The following PAXBP1 variants were observed in gnomAD, a reference collection of about 807,000 sequenced individuals.
PAXBP1 encodes the protein PAX3 and PAX7 binding protein 1, also known as PAX3- and PAX7-binding protein 1.
A neutral mutation model predicts 119.9 loss-of-function variants in PAXBP1; 44 were observed. The observed-to-expected ratio is 0.37, with a 90% CI of 0.29 to 0.47. The LOEUF is 0.47. Among genes scored for constraint, PAXBP1 ranks in the 20% least tolerant of loss-of-function variants. The pLI, the probability that PAXBP1 is intolerant of heterozygous loss-of-function variation, is 0.99. For synonymous variants in PAXBP1, 393 were observed against 406.6 expected (o/e 0.97, Z 0.40); for missense variants, 898 against 1,134.1 (o/e 0.79, Z 2.99).
chr21:32,741,962 C>T (rs1334219569), intron 15 of PAXBP1, among the ~76,000 whole-genome samples: 1 of 152,176 alleles, frequency 6.6e-6, no homozygotes, highest in Admixed American at 6.5e-5. Context: ...AACTCTGGTG[C>T]ACCTACACAG....
chr21:32,735,355 A>G (rs1390913099), intron 17 of PAXBP1, among the ~76,000 whole-genome samples: 1 of 152,218 alleles, frequency 6.6e-6, no homozygotes, highest in Non-Finnish European at 1.5e-5. Context: ...ATTAATATTG[A>G]GAAAGAAAAG....
At chr21:32,738,066 G>A in intron 16 of PAXBP1, 107 bp downstream of exon 16, 1 of 1,147,096 alleles carries the variant, frequency 8.7e-7, no homozygotes, top group Non-Finnish European at 1.2e-6. Flanking sequence ...TGCAAGTCCA[G>A]TAATCAAAGG....
intron 13 of PAXBP1, among the ~76,000 whole-genome samples, chr21:32,744,365 C>A (rs9981385): frequency 1.1e-4 from 17 of 152,052 alleles, no homozygotes; most frequent in African/African-American, 3.9e-4. Flanking sequence ...CATTCAAAGC[C>A]GTCCTGGGCC....
chr21:32,753,705 A>G (rs2043999115), intron 8 of PAXBP1, among the ~76,000 whole-genome samples: 1 of 152,160 alleles, frequency 6.6e-6, no homozygotes, highest in Admixed American at 6.5e-5. Context: ...ATTAATGTAT[A>G]CTCCCTCTAG....
At chr21:32,763,181 G>A (rs1376690781) in intron 3 of PAXBP1, among the ~76,000 whole-genome samples, 3 of 151,852 alleles carry the variant, frequency 2.0e-5, no homozygotes, top group African/African-American at 4.8e-5. Flanking sequence ...ATAATCTACC[G>A]CACACATTAA....
chr21:32,764,280 A>G lies in PAXBP1; in HGVS notation c.649+68T>C, dbSNP rs2044201324. 11 of 1,456,568 alleles carry G rather than the reference A, an allele frequency of 7.6e-6. No homozygotes were observed. The South Asian group carries it at 1.4e-4, about 19-fold the overall frequency. The allele number at this position is 1,456,568 out of a possible 1,614,324, so 90.2% of individuals were successfully genotyped here. A position where few individuals can be genotyped will look rare whatever the true frequency, so the allele number is the denominator to read the frequency against. On this transcript the variant is annotated intron_variant, in intron 3 of 17. Transcript: ENST00000331923. ...CCACTCAGCTAATTCCTTCTTAATA[A>G]TCATCTTTAAAGATGGCCCATTCTT...
intron 15 of PAXBP1, among the ~76,000 whole-genome samples, chr21:32,739,938 T>TTAA (rs2043753591): frequency 2.1e-5 from 1 of 47,006 alleles, no homozygotes; most frequent in African/African-American, 9.1e-5. Context: ...CTCGTCTCTT[T>TTAA]AAAAAAAAAA....
intron 8 of PAXBP1, among the ~76,000 whole-genome samples, chr21:32,753,626 T>A (rs2043998080): frequency 1.3e-5 from 2 of 152,178 alleles, no homozygotes; most frequent in African/African-American, 2.4e-5. Flanking sequence ...TCTTTACTTC[T>A]TTAAAAAACA....
At chr21:32,754,779 T>C (rs545224792) in intron 8 of PAXBP1, among the ~76,000 whole-genome samples, 2 of 152,290 alleles carry the variant, frequency 1.3e-5, no homozygotes, top group East Asian at 3.9e-4. Context: ...GTGTCATTTG[T>C]TAAGTTATAG....
chr21:32,741,911 CA>C (rs963579245), intron 15 of PAXBP1, among the ~76,000 whole-genome samples: 2 of 152,136 alleles, frequency 1.3e-5, no homozygotes, highest in Non-Finnish European at 2.9e-5. Context: ...AGAAACAATC[CA>C]AATGTCCCTT....
intron 15 of PAXBP1, among the ~76,000 whole-genome samples, chr21:32,738,798 T>C (rs1198547947): frequency 6.6e-6 from 1 of 152,130 alleles, no homozygotes; most frequent in East Asian, 1.9e-4. Flanking sequence ...AATCAATATA[T>C]AGAAAATGAA....
At chr21:32,769,337 G>C (rs1446422804) in intron 2 of PAXBP1, among the ~76,000 whole-genome samples, 1 of 151,994 alleles carries the variant, frequency 6.6e-6, no homozygotes, top group Non-Finnish European at 1.5e-5. Flanking sequence ...TCTTCATCTA[G>C]TATCAGATAA....
chr21:32,762,346 TATG>T, intron 3 of PAXBP1, 29 bp from the exon 4 acceptor site: 1 of 1,588,720 alleles, frequency 6.3e-7, no homozygotes, highest in Non-Finnish European at 8.6e-7. Flanking sequence ...AATATGGCAG[TATG>T]AGAGATGCAA....
chr21:32,755,598 T>C, intron 7 of PAXBP1: 1 of 327,328 alleles, frequency 3.1e-6, no homozygotes, highest in African/African-American at 2.1e-5. Context: ...AGTTAAGAAA[T>C]GTAACACTTC....
chr21:32,751,503 G>A, intron 8 of PAXBP1: 1 of 252,814 alleles, frequency 4.0e-6, no homozygotes, highest in Non-Finnish European at 7.9e-6. Context: ...CTAAGTAACA[G>A]GACAGCTATC....
intron 17 of PAXBP1, 61 bp downstream of exon 17, chr21:32,737,193 T>G (rs2043704493): frequency 7.8e-7 from 1 of 1,285,692 alleles, no homozygotes; most frequent in African/African-American, 1.5e-5. Context: ...TTAAAACATT[T>G]TAATACTAAA....
intron 7 of PAXBP1, chr21:32,756,204 T>A: frequency 2.1e-6 from 1 of 485,998 alleles, no homozygotes; most frequent in Non-Finnish European, 4.1e-6. Flanking sequence ...CCTTATGTTA[T>A]AATCAAATGC....
intron 8 of PAXBP1, among the ~76,000 whole-genome samples, chr21:32,754,514 A>G (rs1441473200): frequency 1.3e-5 from 2 of 152,332 alleles, no homozygotes; most frequent in South Asian, 4.1e-4. Flanking sequence ...GGTTTAAAAC[A>G]TCCAGTTAAA....
chr21:32,760,778 C>T (rs1210908730), intron 5 of PAXBP1, among the ~76,000 whole-genome samples: 1 of 152,050 alleles, frequency 6.6e-6, no homozygotes, highest in Non-Finnish European at 1.5e-5. Flanking sequence ...CTAATGCTAA[C>T]TGAAGGACCA....
Sources: allele counts gnomAD v4.1 joint callset (sites outside exome capture counted in the v4.1 genomes callset), GRCh38; gene constraint gnomAD v4.1.1; transcripts MANE v1.5; gene names NCBI Gene and HGNC (gene_info 2026-07-23, HGNC 2026-07-21).